The following NFAM1 variants were observed in gnomAD, a reference collection of about 807,000 sequenced individuals.
NFAM1 encodes NFAT activation molecule 1.
Under a neutral mutation model 29.0 loss-of-function variants are expected in NFAM1, and 17 were observed. The ratio of observed to expected loss-of-function variants is 0.59; its 90% confidence interval spans 0.40 to 0.88. NFAM1 has a LOEUF of 0.88. Ranked by LOEUF, NFAM1 falls within the 40% of genes least tolerant of loss-of-function variation. The pLI is 0.00. For synonymous variants in NFAM1, 175 were observed against 147.2 expected (o/e 1.19, Z -1.36); for missense variants, 324 against 344.6 (o/e 0.94, Z 0.47).
Position 42,419,502 on chromosome 22 carries a change from C to G in NFAM1, c.122-7766G>C, listed in dbSNP as rs1277772629. ...ATACAATTGGGTTCAGACAGGGTCA[C>G]GCTAAAACATGCATCTCTTAACTTT... On this transcript the variant is annotated intron_variant, in intron 1 of 5. Coordinates refer to ENST00000329021, the MANE Select transcript of NFAM1 (RefSeq NM_145912.8). This position sits in a 1 kb window ranked among gnomAD's most constrained non-coding sequence, Gnocchi z 4.5. Among the ~76,000 whole-genome samples the G allele has an allele frequency of 6.6e-6, 1 of 152,200 alleles. No homozygotes were observed. The highest frequency in any genetic ancestry group is 1.5e-5 in the Non-Finnish European group (1 of 68,024).
At chr22:42,389,674 G>A (rs982604167) in intron 4 of NFAM1, among the ~76,000 whole-genome samples, 1 of 148,880 alleles carries the variant, frequency 6.7e-6, no homozygotes, top group African/African-American at 2.5e-5. Context: ...TGGGGGCTGG[G>A]GGGCTGGGCT....
chr22:42,390,867 G>C (rs576579707), intron 4 of NFAM1, among the ~76,000 whole-genome samples: 2 of 151,378 alleles, frequency 1.3e-5, no homozygotes, highest in Non-Finnish European at 2.9e-5. Flanking sequence ...TGTCAGGAAG[G>C]CCACCCTGGG....
At chr22:42,427,530 C>A (rs1930662493) in intron 1 of NFAM1, among the ~76,000 whole-genome samples, 2 of 152,170 alleles carry the variant, frequency 1.3e-5, no homozygotes, top group African/African-American at 4.8e-5. Flanking sequence ...CATGAGTCCG[C>A]ACAGTACCTT....
intron 2 of NFAM1, among the ~76,000 whole-genome samples, chr22:42,410,892 C>T (rs1001301349): frequency 8.5e-5 from 13 of 152,142 alleles, no homozygotes; most frequent in African/African-American, 2.2e-4. Context: ...TCTGCATGCC[C>T]GGCCCTGCCC....
chr22:42,412,701 C>A (rs1035388063), intron 1 of NFAM1, among the ~76,000 whole-genome samples: 5 of 152,216 alleles, frequency 3.3e-5, no homozygotes, highest in Non-Finnish European at 7.3e-5. Flanking sequence ...TCTCCCCGTG[C>A]CAAAGTAAGG....
intron 4 of NFAM1, among the ~76,000 whole-genome samples, chr22:42,393,608 G>T (rs1929421840): frequency 6.7e-6 from 1 of 150,106 alleles, no homozygotes; most frequent in East Asian, 1.9e-4. Flanking sequence ...AGTAGAGACG[G>T]GGTTTCAGCA....
intron 4 of NFAM1, among the ~76,000 whole-genome samples, chr22:42,387,831 C>T (rs1247216503): frequency 6.6e-6 from 1 of 152,188 alleles, no homozygotes; most frequent in Non-Finnish European, 1.5e-5. Flanking sequence ...CCACGGTCCC[C>T]CCATAGCCCA....
At chr22:42,386,357 G>C (rs1372016402) in intron 5 of NFAM1, among the ~76,000 whole-genome samples, 1 of 151,156 alleles carries the variant, frequency 6.6e-6, no homozygotes, top group African/African-American at 2.4e-5. Context: ...CTGGGTGATG[G>C]AGCAAGACTC....
chr22:42,401,547 T>A (rs1167872414), intron 3 of NFAM1, among the ~76,000 whole-genome samples: 1 of 151,598 alleles, frequency 6.6e-6, no homozygotes, highest in Non-Finnish European at 1.5e-5. Context: ...GGGCAAGGGG[T>A]CCCGTGGAGG....
chr22:42,383,546 G>C lies in NFAM1; in HGVS notation c.*1615C>G, dbSNP rs2147084745. The C allele has an allele frequency of 6.5e-6, 1 of 152,844 alleles. No individual in the cohort carries two copies. Among genetic ancestry groups the C allele is most frequent in the Admixed American group, 6.5e-5 (1 of 15,312 alleles). 9.5% of individuals were successfully genotyped at this position (152,844 alleles called of 1,614,324 possible). A position where few individuals can be genotyped will look rare whatever the true frequency, so the allele number is the denominator to read the frequency against. On this transcript the variant is annotated 3_prime_UTR_variant, in exon 6 of 6. Transcript: ENST00000329021. ...CCCAGAACCAAGTTGGGAGGCCACT[G>C]GCTGTCCTGTGGGACCAGAGAAGTC...
upstream of NFAM1, among the ~76,000 whole-genome samples, chr22:42,434,848 C>T (rs981966876): frequency 6.6e-6 from 1 of 152,212 alleles, no homozygotes; most frequent in African/African-American, 2.4e-5. Flanking sequence ...CTGGGGACCA[C>T]ACGTCTCAGC....
upstream of NFAM1, among the ~76,000 whole-genome samples, chr22:42,433,082 T>C (rs1930858991): frequency 6.6e-6 from 1 of 152,190 alleles, no homozygotes; most frequent in Non-Finnish European, 1.5e-5. Context: ...TGCTTCCCCA[T>C]TGGCTGCAGG....
At chr22:42,436,876 A>G, upstream of NFAM1, 1 of 414,886 alleles carries the variant, frequency 2.4e-6, no homozygotes, top group Non-Finnish European at 3.2e-6. Context: ...CTCTCCTGCA[A>G]TTCACCTGGT....
At chr22:42,415,425 G>A (rs899434223) in intron 1 of NFAM1, among the ~76,000 whole-genome samples, 2 of 150,440 alleles carry the variant, frequency 1.3e-5, no homozygotes, top group Admixed American at 6.7e-5. Flanking sequence ...TCAGCCTTCC[G>A]AGCAGCTGGG....
In NFAM1 at chr22:42,387,042, T is replaced by C. The variant is rs200270889; in HGVS notation, c.700A>G (p.Ile234Val). ...GGTGAGCTGCCATCCTCATTCTCGA[T>C]GCAGGCATAGACCTCGGTCTCGCGG... ...QRRETEVYACIENEDGSSPTA... is the reference protein window; with the variant it reads ...QRRETEVYACVENEDGSSPTA... Residue 234 changes from isoleucine (I) to valine (V), a missense_variant, in exon 5 of 6, where the codon ATC becomes GTC. Coordinates refer to ENST00000329021, the MANE Select transcript of NFAM1 (RefSeq NM_145912.8). 57 of 1,587,474 alleles carry C rather than the reference T, an allele frequency of 3.6e-5. No individual in the cohort carries two copies. The highest frequency in any genetic ancestry group is 4.8e-5 in the Non-Finnish European group (56 of 1,167,710).
upstream of NFAM1, among the ~76,000 whole-genome samples, chr22:42,436,263 C>T (rs9611796): frequency 0.1 from 15,504 of 152,224 alleles, 875 homozygotes; most frequent in African/African-American, 0.14. Context: ...CTCTGCTCCC[C>T]GCTGCGGCTG....
chr22:42,426,796 C>T (rs1601763065), intron 1 of NFAM1, among the ~76,000 whole-genome samples: 1 of 152,128 alleles, frequency 6.6e-6, no homozygotes, highest in Non-Finnish European at 1.5e-5. Flanking sequence ...CCACGATCCA[C>T]GACCCATGAC....
intron 4 of NFAM1, among the ~76,000 whole-genome samples, chr22:42,394,651 G>C (rs1569226736): frequency 6.6e-6 from 1 of 152,134 alleles, no homozygotes; most frequent in Admixed American, 6.5e-5. Context: ...AATTAGAAAA[G>C]AAGAAAGATA....
Position 42,387,015 on chromosome 22 carries a change from T to C in NFAM1, c.727A>G (p.Thr243Ala), listed in dbSNP as rs1034549536. Residue 243 changes from threonine (T) to alanine (A), a missense_variant, in exon 5 of 6, where the codon ACC (threonine) becomes GCC (alanine). Coordinates refer to ENST00000329021, the MANE Select transcript of NFAM1 (RefSeq NM_145912.8). ...TGGGAGAGGGGGCTCTGCTTGGCGGTGGGTGAGCTGCCATCCTCATTCTCG... is the reference window on the plus strand; with the variant it reads ...TGGGAGAGGGGGCTCTGCTTGGCGGCGGGTGAGCTGCCATCCTCATTCTCG... ...CIENEDGSSP[T>A]AKQSPLSQER... 3.2e-6 allele frequency: 5 copies of C among 1,578,696 alleles called. No homozygotes were observed. The African/African-American group carries it at 4.1e-5, about 13-fold the overall frequency.
Sources: gnomAD v4.1 joint callset for allele counts (sites outside exome capture counted in the v4.1 genomes callset) on GRCh38, gnomAD v4.1.1 for gene constraint, Gnocchi (gnomAD v3.1) non-coding constraint, MANE v1.5 for transcripts, NCBI Gene and HGNC (gene_info 2026-07-23, HGNC 2026-07-21) for gene names.